RBMS3: variants seen among roughly 807,000 people sequenced by gnomAD.
The protein encoded by RBMS3 is RNA-binding motif, single-stranded-interacting protein 3.
RBMS3 carries 27 observed loss-of-function variants against 66.8 expected under a neutral mutation model. The ratio of observed to expected loss-of-function variants is 0.40; its 90% CI spans 0.30 to 0.56. The LOEUF is 0.56. Ranked by LOEUF, RBMS3 falls within the 20% of genes least tolerant of loss-of-function variation. The pLI is 0.40. For missense variants in RBMS3, 513 were observed against 549.5 expected (o/e 0.93, Z 0.66); for synonymous variants, 188 against 183.0 (o/e 1.03, Z -0.22).
At chr3:29,805,390 G>A (rs1199666088) in intron 6 of RBMS3, among the ~76,000 whole-genome samples, 1 of 152,036 alleles carries the variant, frequency 6.6e-6, no homozygotes, top group Non-Finnish European at 1.5e-5. Context: ...GGTTATTTGA[G>A]AGTGTACTCT....
intron 1 of RBMS3, chr3:29,290,700 A>G (rs1462233321): frequency 3.3e-5 from 5 of 151,828 alleles, no homozygotes; most frequent in Non-Finnish European, 7.4e-5. Flanking sequence ...ATTTGGCTTC[A>G]TGTTAGCAAT....
At chr3:29,947,503 C>G (rs1375772267) in intron 12 of RBMS3, among the ~76,000 whole-genome samples, 1 of 151,456 alleles carries the variant, frequency 6.6e-6, no homozygotes, top group African/African-American at 2.4e-5. Flanking sequence ...GCTTGGGAAA[C>G]AAAAGCATCT....
At chr3:29,590,011 T>C (rs2047670385) in intron 4 of RBMS3, among the ~76,000 whole-genome samples, 4 of 152,136 alleles carry the variant, frequency 2.6e-5, no homozygotes, top group Admixed American at 2.6e-4. Context: ...GAAGTGGTAA[T>C]TGATTAATAA....
chr3:29,922,344 G>A (rs1247075496), intron 10 of RBMS3, among the ~76,000 whole-genome samples: 4 of 151,280 alleles, frequency 2.6e-5, no homozygotes, highest in Admixed American at 2.0e-4. Flanking sequence ...AAAATTAGCC[G>A]GGCGCGGTGG....
chr3:29,735,683 G>A (rs1001643786), intron 4 of RBMS3, among the ~76,000 whole-genome samples: 2 of 152,164 alleles, frequency 1.3e-5, no homozygotes, highest in African/African-American at 4.8e-5. Context: ...AAGGAACTCA[G>A]ATATATTTAT....
chr3:29,309,325 A>G (rs2034226877), intron 1 of RBMS3, among the ~76,000 whole-genome samples: 1 of 151,824 alleles, frequency 6.6e-6, no homozygotes, highest in Non-Finnish European at 1.5e-5. Context: ...AGCAATCTGT[A>G]GCTGCCTAGA....
At chr3:29,730,938 C>T in intron 4 of RBMS3, 1 of 985,252 alleles carries the variant, frequency 1.0e-6, no homozygotes, top group Non-Finnish European at 1.2e-6. Flanking sequence ...AGCTCAAGTT[C>T]ATGAGGTGTA....
chr3:29,438,785 A>C (rs1199051424), intron 2 of RBMS3, among the ~76,000 whole-genome samples: 3 of 152,180 alleles, frequency 2.0e-5, no homozygotes, highest in Non-Finnish European at 4.4e-5. Context: ...GCCTGTGGTG[A>C]GGAGTCAGTG....
chr3:29,462,168 G>T (rs1487829812), intron 2 of RBMS3, among the ~76,000 whole-genome samples: 2 of 152,038 alleles, frequency 1.3e-5, no homozygotes, highest in Non-Finnish European at 2.9e-5. Context: ...CTCATGGAAG[G>T]TTCTGTGCTA....
chr3:29,790,144 G>T (rs2056952693), intron 6 of RBMS3, among the ~76,000 whole-genome samples: 1 of 152,088 alleles, frequency 6.6e-6, no homozygotes, highest in Non-Finnish European at 1.5e-5. Flanking sequence ...AGTAAATACA[G>T]CTCTCTTCTG....
chr3:29,922,481 G>A (rs1431476723), intron 10 of RBMS3, among the ~76,000 whole-genome samples: 3 of 130,046 alleles, frequency 2.3e-5, no homozygotes, highest in South Asian at 2.7e-4. Context: ...GCGACAGAGC[G>A]AGACTCCGTC....
At chr3:29,838,145 T>G (rs1294311902) in intron 6 of RBMS3, among the ~76,000 whole-genome samples, 1 of 122,912 alleles carries the variant, frequency 8.1e-6, no homozygotes, top group Non-Finnish European at 1.6e-5. Context: ...ACAACCAGCC[T>G]GGGCAACATA....
intron 3 of RBMS3, among the ~76,000 whole-genome samples, chr3:29,510,233 A>G (rs367600677): frequency 2.0e-5 from 3 of 152,190 alleles, no homozygotes; most frequent in Admixed American, 2.0e-4. Flanking sequence ...GAGCACTGAT[A>G]TCATAGATCA....
chr3:29,446,889 T>C (rs2125751035), intron 2 of RBMS3, among the ~76,000 whole-genome samples: 1 of 149,418 alleles, frequency 6.7e-6, no homozygotes, highest in Admixed American at 6.7e-5. Context: ...GTTTCTTCAA[T>C]GCTTCCATTA....
chr3:29,796,712 C>CTTTTTTTTT lies in RBMS3; in HGVS notation c.637+33732_637+33740dup, dbSNP rs71295051. Among the ~76,000 whole-genome samples, 242 of 115,250 alleles carry CTTTTTTTTT rather than the reference C, an allele frequency of 2.1e-3. 16 individuals carry two copies. The highest frequency in any genetic ancestry group is 8.1e-3 in the African/African-American group (220 of 27,124). 75.6% of individuals were successfully genotyped at this position (115,250 alleles called of 152,430 possible). A position where few individuals can be genotyped will look rare whatever the true frequency, so the allele number is the denominator to read the frequency against. The stretch of plus-strand genomic sequence containing the variant: ...TGAGAAGTAATATTTTGAAAGGAAT[C>CTTTTTTTTT]TTTTTTTTTTTTTTTTTGGAGATGG... On this transcript the variant is annotated intron_variant, in intron 6 of 14. Coordinates refer to ENST00000383767, the MANE Select transcript of RBMS3 (RefSeq NM_001003793.3).
At chr3:29,330,765 A>C (rs1242359104) in intron 1 of RBMS3, among the ~76,000 whole-genome samples, 1 of 152,180 alleles carries the variant, frequency 6.6e-6, no homozygotes, top group Non-Finnish European at 1.5e-5. Flanking sequence ...ATATAAGCAC[A>C]CAGCACCAAA....
At chr3:29,814,528 A>G (rs1357134169) in intron 6 of RBMS3, among the ~76,000 whole-genome samples, 1 of 152,026 alleles carries the variant, frequency 6.6e-6, no homozygotes, top group Non-Finnish European at 1.5e-5. Context: ...CTCTTTTTCT[A>G]TTGATTGAAA....
At position 29,421,018 on chromosome 3, in the gene RBMS3, CAGG is replaced by C. The variant is rs763568142; in HGVS notation, c.76-13722_76-13720del. ...GTCCCAACTACTCGAGAGGCCGAGG[CAGG>C]AGAATGGCATGAACCTGGAAGGCGG... On this transcript the variant is annotated intron_variant, in intron 1 of 14. Coordinates refer to ENST00000383767, the MANE Select transcript of RBMS3 (RefSeq NM_001003793.3). Among the ~76,000 whole-genome samples the C allele has an allele frequency of 7.7e-4, 116 of 151,016 alleles. 1 individual carries two copies. The highest frequency in any genetic ancestry group is 1.1e-3 in the Non-Finnish European group (74 of 67,886).
At chr3:29,319,050 G>T (rs186668010) in intron 1 of RBMS3, among the ~76,000 whole-genome samples, 1 of 151,942 alleles carries the variant, frequency 6.6e-6, no homozygotes, top group Non-Finnish European at 1.5e-5. Context: ...ATACTTCAGC[G>T]TGGCTTCAGC....
Sources: allele counts gnomAD v4.1 joint callset (sites outside exome capture counted in the v4.1 genomes callset), GRCh38; gene constraint gnomAD v4.1.1; transcripts MANE v1.5; gene names NCBI Gene and HGNC (gene_info 2026-07-23, HGNC 2026-07-21).